TENM2: variants seen among roughly 807,000 people sequenced by gnomAD.
TENM2 encodes teneurin-2.
Under a neutral mutation model 245.2 loss-of-function variants are expected in TENM2, and 52 were observed. The observed-to-expected ratio is 0.21, with a 90% confidence interval of 0.17 to 0.27. The LOEUF (loss-of-function observed/expected upper bound fraction) is 0.27. TENM2 is among the 10% of genes least tolerant of loss of function. The pLI is 1.00. For missense variants in TENM2, 3,046 were observed against 3,666.8 expected (o/e 0.83, Z 4.37); for synonymous variants, 1,363 against 1,438.9 (o/e 0.95, Z 1.19).
intron 1 of TENM2, among the ~76,000 whole-genome samples, chr5:167,291,220 T>G (rs1754618870): frequency 6.6e-6 from 1 of 152,190 alleles, no homozygotes; most frequent in Non-Finnish European, 1.5e-5. Context: ...ACTCTTCTTC[T>G]CCATAGCACT....
the TENM2 span, among the ~76,000 whole-genome samples, chr5:167,146,255 C>T: frequency 6.6e-6 from 1 of 152,166 alleles, no homozygotes; most frequent in Non-Finnish European, 1.5e-5. Context: ...AATGGCAAGT[C>T]AACAGGCGTT....
chr5:167,211,376 T>C, the TENM2 span, among the ~76,000 whole-genome samples: 1 of 152,238 alleles, frequency 6.6e-6, no homozygotes, highest in African/African-American at 2.4e-5. Flanking sequence ...ACTTTTATAC[T>C]ACTTGATAAA....
At chr5:168,216,314 A>G (rs1763193784) in intron 21 of TENM2, among the ~76,000 whole-genome samples, 1 of 152,244 alleles carries the variant, frequency 6.6e-6, no homozygotes, top group Non-Finnish European at 1.5e-5. Context: ...TACACCTTGA[A>G]TTAGGAGTTT....
At chr5:167,510,694 A>G (rs1769890384) in intron 2 of TENM2, among the ~76,000 whole-genome samples, 1 of 152,060 alleles carries the variant, frequency 6.6e-6, no homozygotes, top group Non-Finnish European at 1.5e-5. Flanking sequence ...AAGAGAGAGG[A>G]AAGAAAGAAA....
exon 17 of TENM2, chr5:168,200,075 T>C: frequency 6.2e-7 from 1 of 1,613,926 alleles, no homozygotes; most frequent in South Asian, 1.1e-5. Flanking sequence ...TACACCTTCA[T>C]CTGGGACAAG....
the TENM2 span, among the ~76,000 whole-genome samples, chr5:166,991,866 G>A: frequency 6.6e-6 from 1 of 152,014 alleles, no homozygotes; most frequent in Non-Finnish European, 1.5e-5. Context: ...TCTTTTACTT[G>A]AAAAGACACC....
chr5:167,901,344 T>A (rs921512615), intron 3 of TENM2, among the ~76,000 whole-genome samples: 3 of 152,230 alleles, frequency 2.0e-5, no homozygotes, highest in Non-Finnish European at 2.9e-5. Context: ...TAGAATTATA[T>A]AATAGGTATT....
intron 5 of TENM2, among the ~76,000 whole-genome samples, chr5:168,013,425 G>A (rs1383690814): frequency 1.3e-5 from 2 of 152,108 alleles, no homozygotes; most frequent in Non-Finnish European, 2.9e-5. Context: ...CCAACATGGT[G>A]AAACCCCATC....
At chr5:168,150,583 A>G (rs908918353) in intron 12 of TENM2, among the ~76,000 whole-genome samples, 12 of 152,222 alleles carry the variant, frequency 7.9e-5, no homozygotes, top group African/African-American at 2.9e-4. Flanking sequence ...TTCCCATCCA[A>G]ACCTGAAATG....
intron 2 of TENM2, among the ~76,000 whole-genome samples, chr5:167,437,175 C>G (rs10037358): frequency 0.02 from 3,023 of 152,256 alleles, 93 homozygotes; most frequent in African/African-American, 0.069. Flanking sequence ...GGGCTATACC[C>G]TACAAAGCCA....
chr5:167,318,034 A>C (rs1364324950), intron 1 of TENM2, among the ~76,000 whole-genome samples: 3 of 152,186 alleles, frequency 2.0e-5, no homozygotes, highest in Non-Finnish European at 4.4e-5. Context: ...CCTAAAGTGG[A>C]ATCGGGCATG....
the TENM2 span, among the ~76,000 whole-genome samples, chr5:167,167,591 G>A: frequency 1.3e-5 from 2 of 152,124 alleles, no homozygotes; most frequent in Admixed American, 1.3e-4. Flanking sequence ...TCCTATCTCT[G>A]GGAGGCCTGC....
intron 12 of TENM2, among the ~76,000 whole-genome samples, chr5:168,134,781 C>A (rs1719170470): frequency 6.6e-6 from 1 of 152,212 alleles, no homozygotes; most frequent in Non-Finnish European, 1.5e-5. Context: ...AGTAGCATGT[C>A]AAAATCACAC....
the TENM2 span, among the ~76,000 whole-genome samples, chr5:166,979,232 A>C: frequency 4.3e-5 from 6 of 141,112 alleles, no homozygotes; most frequent in African/African-American, 1.5e-4. Context: ...CAGCAGCAGC[A>C]GCAGCCGCCG....
intron 25 of TENM2, among the ~76,000 whole-genome samples, chr5:168,239,979 A>G (rs1765938756): frequency 6.6e-6 from 1 of 152,138 alleles, no homozygotes; most frequent in South Asian, 2.1e-4. Context: ...GCACTTTGAG[A>G]GACTGAGGTA....
chr5:168,065,663 A>G (rs916358143), intron 7 of TENM2, among the ~76,000 whole-genome samples: 1 of 152,098 alleles, frequency 6.6e-6, no homozygotes, highest in Non-Finnish European at 1.5e-5. Context: ...TCTTCTTTCT[A>G]AAGAAAAAAC....
the TENM2 span, among the ~76,000 whole-genome samples, chr5:167,034,133 GT>G: frequency 6.6e-6 from 1 of 152,124 alleles, no homozygotes; most frequent in Non-Finnish European, 1.5e-5. Context: ...GCAAATAGTT[GT>G]TTGCCTACAA....
chr5:167,899,340 C>A (rs942296522), intron 3 of TENM2, among the ~76,000 whole-genome samples: 1 of 152,050 alleles, frequency 6.6e-6, no homozygotes, highest in African/African-American at 2.4e-5. Context: ...CAATACCAAA[C>A]GCCAAAGACA....
At chr5:167,463,323 AT>A (rs1368475645) in intron 2 of TENM2, among the ~76,000 whole-genome samples, 1 of 152,150 alleles carries the variant, frequency 6.6e-6, no homozygotes, top group East Asian at 1.9e-4. Context: ...ACCCAAGGTT[AT>A]TATTTCATTC....
Sources: gnomAD v4.1 joint callset for allele counts (sites outside exome capture counted in the v4.1 genomes callset) on GRCh38, gnomAD v4.1.1 for gene constraint, MANE v1.5 for transcripts, NCBI Gene and HGNC (gene_info 2026-07-23, HGNC 2026-07-21) for gene names.